CSMD1: variants seen among roughly 807,000 people sequenced by gnomAD.
CSMD1 encodes CUB and sushi domain-containing protein 1.
A neutral mutation model predicts 417.5 loss-of-function variants in CSMD1; 213 were observed. The observed-to-expected ratio is 0.51, with a 90% CI of 0.46 to 0.57. CSMD1 has a LOEUF of 0.57. Ranked by LOEUF, CSMD1 falls within the 20% of genes least tolerant of loss-of-function variation. The probability of loss-of-function intolerance (pLI) is 0.00; values close to 1 mark genes in which losing one functional copy is unlikely to be tolerated. For missense variants in CSMD1, 6,923 were observed against 4,529.7 expected, an observed-to-expected ratio of 1.53 and a Z score of -15.17; for synonymous variants, 2,862 against 1,736.8, an observed-to-expected ratio of 1.65 and a Z score of -16.11.
intron 37 of CSMD1, among the ~76,000 whole-genome samples, chr8:3,164,130 C>G (rs1370773175): frequency 6.6e-6 from 1 of 152,122 alleles, no homozygotes; most frequent in Non-Finnish European, 1.5e-5. Context: ...AGAGAAGTGT[C>G]TTCATCTTAC....
chr8:3,659,469 C>T (rs560766996), intron 7 of CSMD1, among the ~76,000 whole-genome samples: 1 of 152,156 alleles, frequency 6.6e-6, no homozygotes. Context: ...CTCCGAAACA[C>T]AGAAGCAGAT....
chr8:3,383,174 T>C (rs1350796568), intron 18 of CSMD1, among the ~76,000 whole-genome samples: 1 of 152,194 alleles, frequency 6.6e-6, no homozygotes, highest in Admixed American at 6.5e-5. Flanking sequence ...CTTTTAGGGG[T>C]GATTAACAAG....
intron 2 of CSMD1, among the ~76,000 whole-genome samples, chr8:4,576,825 AAACT>A (rs1799159996): frequency 1.0e-5 from 1 of 98,524 alleles, no homozygotes; most frequent in South Asian, 3.1e-4. Context: ...TACTTAAAAC[AAACT>A]ATTTTAATTT....
chr8:4,545,084 T>C (rs916305615), intron 2 of CSMD1, among the ~76,000 whole-genome samples: 2 of 152,226 alleles, frequency 1.3e-5, no homozygotes, highest in Non-Finnish European at 2.9e-5. Flanking sequence ...GTATGATGTA[T>C]ATAAAAGGCA....
chr8:4,193,961 T>C (rs1237334072), intron 3 of CSMD1, among the ~76,000 whole-genome samples: 1 of 152,082 alleles, frequency 6.6e-6, no homozygotes. Flanking sequence ...GTAATTTATA[T>C]TCTTTCCTAA....
intron 3 of CSMD1, among the ~76,000 whole-genome samples, chr8:4,399,613 A>G (rs1018581721): frequency 1.1e-4 from 16 of 152,072 alleles, no homozygotes; most frequent in African/African-American, 3.4e-4. Context: ...TTGTAGTTGT[A>G]ACACCATCCT....
intron 10 of CSMD1, among the ~76,000 whole-genome samples, chr8:3,537,774 C>T (rs910431868): frequency 6.6e-6 from 1 of 152,176 alleles, no homozygotes; most frequent in Non-Finnish European, 1.5e-5. Context: ...AACAAGAACA[C>T]TTCACCAATT....
At chr8:3,248,885 C>G (rs564483877) in intron 26 of CSMD1, among the ~76,000 whole-genome samples, 10 of 152,046 alleles carry the variant, frequency 6.6e-5, no homozygotes, top group Admixed American at 5.2e-4. Flanking sequence ...CCTTGATTCC[C>G]GCAGCTCTAT....
chr8:4,209,348 G>C (rs950278495), intron 3 of CSMD1, among the ~76,000 whole-genome samples: 6 of 152,150 alleles, frequency 3.9e-5, no homozygotes, highest in South Asian at 2.1e-4. Flanking sequence ...GGGACAGAAA[G>C]AATTCCAAAG....
At chr8:4,071,412 A>T (rs1367670947) in intron 3 of CSMD1, among the ~76,000 whole-genome samples, 1 of 152,024 alleles carries the variant, frequency 6.6e-6, no homozygotes, top group African/African-American at 2.4e-5. Context: ...AAAAAATTGT[A>T]GTTTAGATAT....
At chr8:4,671,480 C>G (rs986389494) in intron 1 of CSMD1, among the ~76,000 whole-genome samples, 2 of 152,176 alleles carry the variant, frequency 1.3e-5, no homozygotes, top group Non-Finnish European at 2.9e-5. Flanking sequence ...AGAAAAGCCA[C>G]TGTTCTGGAA....
At chr8:3,859,319 G>A (rs918263622) in intron 5 of CSMD1, among the ~76,000 whole-genome samples, 3 of 152,114 alleles carry the variant, frequency 2.0e-5, no homozygotes, top group Non-Finnish European at 4.4e-5. Context: ...CATTCGCTCG[G>A]CCTATTTTTT....
At chr8:3,737,401 C>T (rs1039939122) in intron 6 of CSMD1, among the ~76,000 whole-genome samples, 9 of 152,158 alleles carry the variant, frequency 5.9e-5, no homozygotes, top group African/African-American at 1.9e-4. Context: ...TTCTATAATG[C>T]TTTTACTGAT....
At chr8:4,346,510 T>G (rs1456731202) in intron 3 of CSMD1, among the ~76,000 whole-genome samples, 1 of 152,152 alleles carries the variant, frequency 6.6e-6, no homozygotes, top group East Asian at 1.9e-4. Flanking sequence ...CATTATTGTC[T>G]AAACTGAATT....
intron 1 of CSMD1, among the ~76,000 whole-genome samples, chr8:4,959,648 T>A (rs1241858519): frequency 6.6e-6 from 1 of 152,238 alleles, no homozygotes; most frequent in Non-Finnish European, 1.5e-5. Context: ...TTCTAATCTC[T>A]TCTCAGCGTA....
chr8:3,158,079 G>A (rs1819646497), intron 38 of CSMD1, 113 bp from the exon 39 acceptor site: 1 of 883,220 alleles, frequency 1.1e-6, no homozygotes, highest in Admixed American at 2.6e-5. Flanking sequence ...ATAAATATTT[G>A]AAAATTCAAA....
chr8:4,807,196 T>C (rs1658778306), intron 1 of CSMD1, among the ~76,000 whole-genome samples: 3 of 152,212 alleles, frequency 2.0e-5, no homozygotes, highest in Admixed American at 6.5e-5. Flanking sequence ...CAACTTTTCA[T>C]TCCCATCTGC....
rs149367749 is a variant in CSMD1 at position 4,325,467 on chromosome 8, C to T, written c.415+94486G>A. Among the ~76,000 whole-genome samples, 86 of 152,284 alleles carry T rather than the reference C, an allele frequency of 5.6e-4. No individual in the cohort carries two copies. In the East Asian group the frequency reaches 0.016, roughly 28 times the overall value. On this transcript the variant is annotated intron_variant, in intron 3 of 69. Coordinates refer to ENST00000635120, the MANE Select transcript of CSMD1 (RefSeq NM_033225.6). ...ATTTACTTCATGTAAGAATCGTCTA[C>T]TTTCAAGCGCTTCCTGTGGCTGAAG... is the stretch of plus-strand genomic sequence containing the variant.
chr8:3,087,424 C>T (rs1814620880), intron 48 of CSMD1, 139 bp from the exon 49 acceptor site: 2 of 860,430 alleles, frequency 2.3e-6, no homozygotes, highest in Non-Finnish European at 3.6e-6. Context: ...TAAGTTTGTT[C>T]TAAAGAGCAT....
Sources: allele counts gnomAD v4.1 joint callset (sites outside exome capture counted in the v4.1 genomes callset), GRCh38; gene constraint gnomAD v4.1.1; transcripts MANE v1.5; gene names NCBI Gene and HGNC (gene_info 2026-07-23, HGNC 2026-07-21).